CCDC73: variants seen among roughly 807,000 people sequenced by gnomAD.
The protein encoded by CCDC73 is coiled-coil domain-containing protein 73.
In CCDC73, 95 loss-of-function variants were observed where a neutral mutation model predicts 116.5. That is an observed-to-expected ratio of 0.82 (90% CI 0.69 to 0.97). The LOEUF (loss-of-function observed/expected upper bound fraction) is 0.97, where lower values mean the gene tolerates loss of function less well. Among genes scored for constraint, CCDC73 ranks in the 50% least tolerant of loss-of-function variants. The pLI is 0.00. For missense variants in CCDC73, 1,066 were observed against 1,206.8 expected (o/e 0.88, Z 1.73); for synonymous variants, 398 against 401.3 (o/e 0.99, Z 0.10).
chr11:32,604,952 A>C (rs939553403), intron 17 of CCDC73: 2 of 152,216 alleles, frequency 1.3e-5, no homozygotes, highest in South Asian at 4.1e-4. Flanking sequence ...TCCCAGGTTC[A>C]AGCGATTCTT....
At chr11:32,767,062 T>G (rs1042978790) in intron 1 of CCDC73, among the ~76,000 whole-genome samples, 4 of 152,198 alleles carry the variant, frequency 2.6e-5, no homozygotes, top group African/African-American at 9.6e-5. Context: ...GCTACCTGAC[T>G]TCAAACTATA....
chr11:32,803,302 G>T, the CCDC73 span, among the ~76,000 whole-genome samples: 1 of 151,658 alleles, frequency 6.6e-6, no homozygotes, highest in Non-Finnish European at 1.5e-5. Context: ...TGTTGGCCAG[G>T]GTCTTTTCAA....
chr11:32,748,643 C>T (rs939101452), intron 2 of CCDC73, among the ~76,000 whole-genome samples: 1 of 152,170 alleles, frequency 6.6e-6, no homozygotes, highest in Non-Finnish European at 1.5e-5. Context: ...CCTACTATTA[C>T]CAGTGAGTTT....
intron 14 of CCDC73, among the ~76,000 whole-genome samples, chr11:32,618,479 C>G (rs1301544356): frequency 6.6e-6 from 1 of 152,132 alleles, no homozygotes; most frequent in East Asian, 1.9e-4. Flanking sequence ...AATTTACATT[C>G]CCACCAACAG....
chr11:32,793,886 C>T lies in CCDC73; in HGVS notation c.-16+727G>A, dbSNP rs184190706. Among the ~76,000 whole-genome samples, 4 of 152,296 alleles carry T rather than the reference C, an allele frequency of 2.6e-5. No homozygotes were observed. In the East Asian group the frequency reaches 7.7e-4, roughly 29 times the overall value. On this transcript the variant is annotated intron_variant, in intron 1 of 17. Transcript: ENST00000335185. ...TCGGCCTCCCAAAGTGCTGGGACTACAGATGTGAGCCACCGCCCCGACCAA... is the reference window on the plus strand; with the variant it reads ...TCGGCCTCCCAAAGTGCTGGGACTATAGATGTGAGCCACCGCCCCGACCAA...
chr11:32,701,380 C>G (rs552424512), intron 4 of CCDC73, among the ~76,000 whole-genome samples: 1 of 151,956 alleles, frequency 6.6e-6, no homozygotes, highest in Non-Finnish European at 1.5e-5. Context: ...TGCAGCCTAA[C>G]AAATTATGAC....
intron 16 of CCDC73, 22 bp from the exon 17 acceptor site, chr11:32,611,287 G>A: frequency 6.2e-7 from 1 of 1,601,916 alleles, no homozygotes; most frequent in Non-Finnish European, 8.5e-7. Context: ...AGAGGAAATG[G>A]CAACAACTGA....
At chr11:32,753,148 C>T (rs7944621) in intron 2 of CCDC73, among the ~76,000 whole-genome samples, 89,659 of 151,892 alleles carry the variant, frequency 0.59, 26,759 homozygotes, top group East Asian at 0.84. Context: ...GCTATTATCC[C>T]GTAAGAGCTA....
the CCDC73 span, among the ~76,000 whole-genome samples, chr11:32,815,552 G>A: frequency 1.3e-5 from 2 of 152,056 alleles, no homozygotes; most frequent in South Asian, 4.1e-4. Flanking sequence ...TAATACTTTT[G>A]GTAATGTACA....
intron 17 of CCDC73, 174 bp from the exon 18 acceptor site, chr11:32,603,194 G>T: frequency 1.9e-6 from 1 of 518,010 alleles, no homozygotes; most frequent in Non-Finnish European, 3.4e-6. Context: ...GTAGGCTTAT[G>T]TAGTAGATCT....
At chr11:32,719,618 G>A (rs1849973680) in intron 2 of CCDC73, among the ~76,000 whole-genome samples, 1 of 152,096 alleles carries the variant, frequency 6.6e-6, no homozygotes, top group Non-Finnish European at 1.5e-5. Context: ...TTATATGGGG[G>A]AAAAAAATTA....
At chr11:32,794,066 T>G (rs1165932336) in intron 1 of CCDC73, among the ~76,000 whole-genome samples, 2 of 152,182 alleles carry the variant, frequency 1.3e-5, no homozygotes, top group East Asian at 3.9e-4. Context: ...CCCTGGGAAT[T>G]TACACACTTC....
At chr11:32,736,843 G>A (rs1850134748) in intron 2 of CCDC73, among the ~76,000 whole-genome samples, 1 of 151,826 alleles carries the variant, frequency 6.6e-6, no homozygotes, top group African/African-American at 2.4e-5. Flanking sequence ...AAGAAAGGAT[G>A]AGTTCATGTC....
the CCDC73 span, among the ~76,000 whole-genome samples, chr11:32,806,978 A>T: frequency 6.6e-6 from 1 of 152,214 alleles, no homozygotes; most frequent in East Asian, 1.9e-4. Context: ...GAAGGGGTCC[A>T]GGGAAGAAGA....
chr11:32,717,222 T>C (rs1434682205), intron 3 of CCDC73, among the ~76,000 whole-genome samples: 1 of 152,232 alleles, frequency 6.6e-6, no homozygotes, highest in Non-Finnish European at 1.5e-5. Flanking sequence ...GAAATCAGCA[T>C]AATTACACTT....
intron 7 of CCDC73, among the ~76,000 whole-genome samples, chr11:32,676,259 G>A (rs1856088293): frequency 1.3e-5 from 2 of 152,178 alleles, no homozygotes; most frequent in South Asian, 4.2e-4. Context: ...AGTCACTTCA[G>A]GTTATGTTTC....
At chr11:32,677,275 G>T (rs1856097863) in intron 7 of CCDC73, among the ~76,000 whole-genome samples, 1 of 152,076 alleles carries the variant, frequency 6.6e-6, no homozygotes, top group Non-Finnish European at 1.5e-5. Flanking sequence ...TTACTTTATT[G>T]AAATACTTTT....
intron 9 of CCDC73, among the ~76,000 whole-genome samples, chr11:32,672,654 T>C (rs1856050249): frequency 6.6e-6 from 1 of 152,224 alleles, no homozygotes; most frequent in Non-Finnish European, 1.5e-5. Context: ...GTGGTCCTTT[T>C]AATAATTCTT....
intron 2 of CCDC73, among the ~76,000 whole-genome samples, chr11:32,731,401 T>C (rs1393891505): frequency 2.0e-5 from 3 of 152,220 alleles, no homozygotes; most frequent in Admixed American, 2.0e-4. Flanking sequence ...TAAATGTCCC[T>C]GTCCGACAGC....
Sources: gnomAD v4.1 joint callset for allele counts (sites outside exome capture counted in the v4.1 genomes callset) on GRCh38, gnomAD v4.1.1 for gene constraint, MANE v1.5 for transcripts, NCBI Gene and HGNC (gene_info 2026-07-23, HGNC 2026-07-21) for gene names.